Variants in UNKL observed in about 807,000 individuals in gnomAD.
UNKL encodes the protein putative E3 ubiquitin-protein ligase UNKL.
Under a neutral mutation model 78.0 loss-of-function variants are expected in UNKL, and 60 were observed. The ratio of observed to expected loss-of-function variants is 0.77; its 90% confidence interval spans 0.63 to 0.95. UNKL has a LOEUF of 0.95. Among genes scored for constraint, UNKL ranks in the 40% least tolerant of loss-of-function variants. The pLI is 0.00. For missense variants in UNKL, 1,159 were observed against 1,045.7 expected, an observed-to-expected ratio of 1.11 and a Z score of -1.49; for synonymous variants, 608 against 474.8, an observed-to-expected ratio of 1.28 and a Z score of -3.65.
In UNKL at chr16:1,366,027, G is replaced by T. The variant is rs868835348; in HGVS notation, c.*213C>A. On this transcript the variant is annotated 3_prime_UTR_variant, in exon 15 of 15. Transcript: ENST00000389221. Reference sequence around the variant, plus strand: ...TTTTTGAGGAAAATACCTTGAAACCGTCGGTAGGACTAGATAGGTGACAAC... The same window carrying T: ...TTTTTGAGGAAAATACCTTGAAACCTTCGGTAGGACTAGATAGGTGACAAC... 1 of 491,786 alleles carries T rather than the reference G, an allele frequency of 2.0e-6. No homozygotes were observed. The highest frequency in any genetic ancestry group is 3.4e-5 in the East Asian group (1 of 29,510). The allele number at this position is 491,786 out of a possible 1,614,324, so 30.5% of individuals were successfully genotyped here.
At position 1,366,222 on chromosome 16, in the gene UNKL, T is replaced by C; in HGVS notation, c.*18A>G. 6.6e-7 allele frequency: 1 copy of C among 1,504,744 alleles called. No homozygotes were observed. Among genetic ancestry groups the C allele is most frequent in the Non-Finnish European group, 8.9e-7 (1 of 1,119,174 alleles). 93.2% of individuals were successfully genotyped at this position (1,504,744 alleles called of 1,614,324 possible). A position where few individuals can be genotyped will look rare whatever the true frequency, so the allele number is the denominator to read the frequency against. On this transcript the variant is annotated 3_prime_UTR_variant, in exon 15 of 15. Coordinates refer to ENST00000389221, the MANE Select transcript of UNKL (RefSeq NM_001372107.1). ...TGGAGCCAGGGTGCCCAGCAGGAGG[T>C]GGCTGTCCCCGCTGAGGTCACCACT...
chr16:1,396,580 A>G (rs2037270597), intron 6 of UNKL, among the ~76,000 whole-genome samples: 1 of 151,676 alleles, frequency 6.6e-6, no homozygotes, highest in Non-Finnish European at 1.5e-5. Context: ...TGGCCTGAAT[A>G]TATATATTTT....
intron 9 of UNKL, 89 bp from the exon 10 acceptor site, chr16:1,385,474 C>T (rs1054429736): frequency 1.5e-5 from 18 of 1,234,626 alleles, no homozygotes; most frequent in South Asian, 1.4e-4. Flanking sequence ...CACCGCGGGA[C>T]GGCGGCCAAC....
In UNKL at chr16:1,366,027, G is replaced by A. The variant is rs868835348; in HGVS notation, c.*213C>T. On this transcript the variant is annotated 3_prime_UTR_variant, in exon 15 of 15. Coordinates refer to ENST00000389221, the MANE Select transcript of UNKL (RefSeq NM_001372107.1). ...TTTTTGAGGAAAATACCTTGAAACC[G>A]TCGGTAGGACTAGATAGGTGACAAC... 5 of 491,786 alleles carry A rather than the reference G, an allele frequency of 1.0e-5. No individual in the cohort carries two copies. Among genetic ancestry groups the A allele is most frequent in the South Asian group, 5.2e-5 (1 of 19,354 alleles). The allele number at this position is 491,786 out of a possible 1,614,324, so 30.5% of individuals were successfully genotyped here. A position where few individuals can be genotyped will look rare whatever the true frequency, so the allele number is the denominator to read the frequency against.
intron 10 of UNKL, among the ~76,000 whole-genome samples, chr16:1,377,496 C>G (rs1596683550): frequency 6.6e-6 from 1 of 152,154 alleles, no homozygotes; most frequent in East Asian, 1.9e-4. Flanking sequence ...GGAGACCCCC[C>G]CTCTGCCTCC....
intron 3 of UNKL, among the ~76,000 whole-genome samples, chr16:1,401,939 C>A (rs1024348037): frequency 5.3e-5 from 8 of 152,194 alleles, no homozygotes; most frequent in Non-Finnish European, 7.3e-5. Context: ...GCTCTGTCCC[C>A]CAGGCTGGAG....
chr16:1,377,139 CA>C (rs1183479634), intron 10 of UNKL, among the ~76,000 whole-genome samples: 1 of 152,172 alleles, frequency 6.6e-6, no homozygotes, highest in Non-Finnish European at 1.5e-5. Flanking sequence ...TCTCCTGCCT[CA>C]GCCTCCTGAG....
chr16:1,414,146 C>T, intron 1 of UNKL, 91 bp from the exon 2 acceptor site: 1 of 1,326,994 alleles, frequency 7.5e-7, no homozygotes, highest in Non-Finnish European at 1.0e-6. Context: ...CCTCAGGAGC[C>T]TCAACCCAGG....
At chr16:1,367,931 C>T (rs2035446091) in intron 12 of UNKL, 73 bp from the exon 13 acceptor site, 15 of 1,362,672 alleles carry the variant, frequency 1.1e-5, no homozygotes, top group Admixed American at 2.1e-5. Context: ...GGGTGCTATG[C>T]CCCAGGCCCC....
chr16:1,408,213 C>T (rs2142261295), intron 2 of UNKL, among the ~76,000 whole-genome samples: 1 of 152,338 alleles, frequency 6.6e-6, no homozygotes, highest in South Asian at 2.1e-4. Context: ...AGCGCCTGCC[C>T]CTCAGCTACA....
chr16:1,399,151 G>T lies in UNKL; in HGVS notation c.734+223C>A. The T allele has an allele frequency of 9.0e-7, 1 of 1,113,190 alleles. No individual in the cohort carries two copies. Among genetic ancestry groups the T allele is most frequent in the Non-Finnish European group, 1.2e-6 (1 of 809,120 alleles). 69.0% of individuals were successfully genotyped at this position (1,113,190 alleles called of 1,614,324 possible). A position where few individuals can be genotyped will look rare whatever the true frequency, so the allele number is the denominator to read the frequency against. The stretch of plus-strand genomic sequence containing the variant: ...AGGGGCCCCGGTAGGGGACTGCATG[G>T]GAGACACTGAGCGTAGGTGGGGAGG... On this transcript the variant is annotated intron_variant, in intron 5 of 14. Coordinates refer to ENST00000389221, the MANE Select transcript of UNKL (RefSeq NM_001372107.1). This position sits in a 1 kb window ranked among gnomAD's most constrained non-coding sequence, Gnocchi z 5.8.
At chr16:1,392,209 T>C (rs1170092636) in intron 8 of UNKL, among the ~76,000 whole-genome samples, 2 of 152,100 alleles carry the variant, frequency 1.3e-5, no homozygotes, top group Non-Finnish European at 2.9e-5. Flanking sequence ...AAAGATTATT[T>C]TGAGTTGAAG....
At chr16:1,396,862 G>C (rs1033007434) in intron 6 of UNKL, among the ~76,000 whole-genome samples, 3 of 152,172 alleles carry the variant, frequency 2.0e-5, no homozygotes, top group African/African-American at 7.2e-5. Flanking sequence ...GGGATTACAG[G>C]CGTGAGCTAC....
At chr16:1,367,067 T>C in intron 14 of UNKL, 25 bp downstream of exon 14, 1 of 1,499,466 alleles carries the variant, frequency 6.7e-7, no homozygotes, top group Non-Finnish European at 8.9e-7. Flanking sequence ...GGCTGGCCCC[T>C]CACCCTGCCC....
chr16:1,390,631 C>A lies in UNKL; in HGVS notation c.1086+1G>T. 1.3e-6 allele frequency: 2 copies of A among 1,536,028 alleles called. No homozygotes were observed. Among genetic ancestry groups the A allele is most frequent in the Non-Finnish European group, 1.7e-6 (2 of 1,146,868 alleles). On this transcript the variant is annotated splice_donor_variant, in intron 9 of 14. Coordinates refer to ENST00000389221, the MANE Select transcript of UNKL (RefSeq NM_001372107.1). LOFTEE classifies it high-confidence loss of function. Reference sequence around the variant, plus strand: ...GGGTGGGAAACCTTGGGGGCCTGTACCTGCTTGCTGTCTTGCTCGCTGCCC... The same window carrying A: ...GGGTGGGAAACCTTGGGGGCCTGTAACTGCTTGCTGTCTTGCTCGCTGCCC...
intron 11 of UNKL, among the ~76,000 whole-genome samples, chr16:1,370,597 G>A (rs1006851461): frequency 2.6e-5 from 4 of 152,180 alleles, no homozygotes; most frequent in Non-Finnish European, 5.9e-5. Context: ...AACCAGAGGT[G>A]GGGAGACGGG....
chr16:1,380,815 C>G (rs1220462276), intron 10 of UNKL, among the ~76,000 whole-genome samples: 1 of 151,768 alleles, frequency 6.6e-6, no homozygotes, highest in African/African-American at 2.4e-5. Flanking sequence ...GCTGGGATTA[C>G]AGGAGCAAGC....
rs935433477 is a variant in UNKL at position 1,364,165 on chromosome 16, C to T, written c.*2075G>A. 1 of 152,230 alleles carries T rather than the reference C, an allele frequency of 6.6e-6. No individual in the cohort carries two copies. Among genetic ancestry groups the T allele is most frequent in the African/African-American group, 2.4e-5 (1 of 41,468 alleles). The allele number at this position is 152,230 out of a possible 1,614,324, so 9.4% of individuals were successfully genotyped here. A position where few individuals can be genotyped will look rare whatever the true frequency, so the allele number is the denominator to read the frequency against. On this transcript the variant is annotated 3_prime_UTR_variant, in exon 15 of 15. Coordinates refer to ENST00000389221, the MANE Select transcript of UNKL (RefSeq NM_001372107.1). ...TTCTAGATACTGAGCTAATAAATCACTGTAGTTAAAAACAAAATAGATTCA... is the reference window on the plus strand; with the variant it reads ...TTCTAGATACTGAGCTAATAAATCATTGTAGTTAAAAACAAAATAGATTCA...
intron 10 of UNKL, among the ~76,000 whole-genome samples, chr16:1,380,100 C>G (rs1405403129): frequency 6.6e-6 from 1 of 152,260 alleles, no homozygotes; most frequent in Admixed American, 6.5e-5. Flanking sequence ...GGGTACGGAG[C>G]TCGCAGGTCT....
Sources: allele counts gnomAD v4.1 joint callset (sites outside exome capture counted in the v4.1 genomes callset), GRCh38; gene constraint gnomAD v4.1.1; non-coding constraint Gnocchi (gnomAD v3.1); transcripts MANE v1.5; gene names NCBI Gene and HGNC (gene_info 2026-07-23, HGNC 2026-07-21).